Variants in SPATA17 observed in about 807,000 individuals in gnomAD.
SPATA17 encodes spermatogenesis-associated protein 17.
SPATA17 carries 53 observed loss-of-function variants against 62.2 expected under a neutral mutation model. The observed-to-expected ratio is 0.85, with a 90% CI of 0.68 to 1.07. The LOEUF (loss-of-function observed/expected upper bound fraction) is 1.07, where lower values mean the gene tolerates loss of function less well. SPATA17 is among the 50% of genes least tolerant of loss of function. The pLI is 0.00. For synonymous variants in SPATA17, 146 were observed against 146.8 expected (o/e 0.99, Z 0.04); for missense variants, 466 against 425.5 (o/e 1.10, Z -0.84).
At chr1:217,779,576 TACTTCC>T (rs1174557963) in intron 7 of SPATA17, among the ~76,000 whole-genome samples, 1 of 151,992 alleles carries the variant, frequency 6.6e-6, no homozygotes, top group Non-Finnish European at 1.5e-5. Flanking sequence ...CTCCTCTCTT[TACTTCC>T]TTTGCCTCTT....
intron 9 of SPATA17, among the ~76,000 whole-genome samples, chr1:217,823,584 C>T (rs1477137825): frequency 2.0e-5 from 3 of 151,934 alleles, no homozygotes; most frequent in South Asian, 2.1e-4. Flanking sequence ...TCAATTCTTT[C>T]TTCCAAGGAA....
chr1:217,666,422 A>G (rs1487697411), intron 3 of SPATA17, among the ~76,000 whole-genome samples: 1 of 152,164 alleles, frequency 6.6e-6, no homozygotes, highest in Non-Finnish European at 1.5e-5. Context: ...ACAAATAATC[A>G]TCATTTTCAG....
chr1:217,784,187 T>C (rs972856860), intron 8 of SPATA17, among the ~76,000 whole-genome samples: 3 of 152,120 alleles, frequency 2.0e-5, no homozygotes, highest in Non-Finnish European at 4.4e-5. Flanking sequence ...GAAATATAGG[T>C]TTTATATCAT....
intron 4 of SPATA17, among the ~76,000 whole-genome samples, chr1:217,679,598 C>A (rs767071581): frequency 6.6e-6 from 1 of 152,112 alleles, no homozygotes; most frequent in Non-Finnish European, 1.5e-5. Flanking sequence ...TTACCTTAAC[C>A]ATCGCTTACT....
chr1:217,747,991 A>G (rs927819242), intron 6 of SPATA17, among the ~76,000 whole-genome samples: 2 of 152,158 alleles, frequency 1.3e-5, no homozygotes, highest in Non-Finnish European at 2.9e-5. Context: ...TTGTATAGAG[A>G]AAGACTGTCT....
Position 217,689,983 on chromosome 1 carries a change from A to AAC in SPATA17, c.395+6623_395+6624insCA, listed in dbSNP as rs1487714273. ...CAATGGCACAATCTCCGCTCACTGCAATCTCCGCCTCCCAGGTTCAAGCGA... is the reference window on the plus strand; with the variant it reads ...CAATGGCACAATCTCCGCTCACTGCAACATCTCCGCCTCCCAGGTTCAAGCGA... On this transcript the variant is annotated intron_variant, in intron 5 of 10. Transcript: ENST00000366933. Among the ~76,000 whole-genome samples the AAC allele has an allele frequency of 8.1e-4, 123 of 151,568 alleles. 1 individual carries two copies. Among genetic ancestry groups the AAC allele is most frequent in the African/African-American group, 2.7e-3 (111 of 41,326 alleles).
chr1:217,651,227 G>A, intron 3 of SPATA17, 49 bp downstream of exon 3: 3 of 1,371,534 alleles, frequency 2.2e-6, no homozygotes, highest in African/African-American at 1.5e-5. Context: ...ACAATATGCT[G>A]TAACTTACTC....
chr1:217,666,918 A>G (rs919123474), intron 3 of SPATA17, among the ~76,000 whole-genome samples: 3 of 152,184 alleles, frequency 2.0e-5, no homozygotes, highest in Admixed American at 2.0e-4. Context: ...ATATGTGAGA[A>G]TCAAAGTGCT....
At chr1:217,719,256 C>T (rs1381943623) in intron 5 of SPATA17, among the ~76,000 whole-genome samples, 2 of 152,174 alleles carry the variant, frequency 1.3e-5, no homozygotes, top group Admixed American at 6.5e-5. Context: ...TCACTATACC[C>T]GTGTAGCAGG....
At chr1:217,723,226 G>T (rs1207444133) in intron 5 of SPATA17, among the ~76,000 whole-genome samples, 1 of 152,052 alleles carries the variant, frequency 6.6e-6, no homozygotes, top group Non-Finnish European at 1.5e-5. Context: ...CTTATGAAAG[G>T]GTCTACAGTG....
At chr1:217,728,196 A>G (rs1365503815) in intron 5 of SPATA17, among the ~76,000 whole-genome samples, 2 of 152,190 alleles carry the variant, frequency 1.3e-5, no homozygotes, top group African/African-American at 4.8e-5. Flanking sequence ...GAAATAAAAT[A>G]TATTCTGATA....
chr1:217,708,552 C>G (rs761348724), intron 5 of SPATA17, among the ~76,000 whole-genome samples: 3 of 151,938 alleles, frequency 2.0e-5, no homozygotes, highest in Non-Finnish European at 4.4e-5. Context: ...AAAGTTGAAT[C>G]AATAATAAGA....
At position 217,675,502 on chromosome 1, in the gene SPATA17, G is replaced by A. The variant is rs113733895; in HGVS notation, c.291+6419G>A. Among the ~76,000 whole-genome samples, 282 of 152,222 alleles carry A rather than the reference G, an allele frequency of 1.9e-3. 1 individual carries two copies. Among genetic ancestry groups the A allele is most frequent in the Non-Finnish European group, 3.3e-3 (224 of 68,014 alleles). ...GTAGTATCCTACGAAGAGTTCAATT[G>A]TAGGTAAATTATTGTGGCTGCTAAT... On this transcript the variant is annotated intron_variant, in intron 4 of 10. Coordinates refer to ENST00000366933, the MANE Select transcript of SPATA17 (RefSeq NM_138796.4).
At chr1:217,863,943 G>C (rs1476012962) in intron 10 of SPATA17, among the ~76,000 whole-genome samples, 1 of 152,156 alleles carries the variant, frequency 6.6e-6, no homozygotes, top group Non-Finnish European at 1.5e-5. Flanking sequence ...GCACAGGGTA[G>C]ATTCCAGGCA....
At chr1:217,702,073 GACT>G (rs983898017) in intron 5 of SPATA17, among the ~76,000 whole-genome samples, 12 of 150,440 alleles carry the variant, frequency 8.0e-5, no homozygotes, top group South Asian at 2.1e-4. Context: ...TTTCTATTTT[GACT>G]ACTATTTATA....
intron 9 of SPATA17, among the ~76,000 whole-genome samples, chr1:217,852,111 G>T (rs1486593517): frequency 6.6e-6 from 1 of 152,096 alleles, no homozygotes; most frequent in Non-Finnish European, 1.5e-5. Context: ...CTTGGAGAAC[G>T]ATCACTTTTC....
At chr1:217,852,839 A>G (rs1675696190) in intron 9 of SPATA17, among the ~76,000 whole-genome samples, 1 of 152,136 alleles carries the variant, frequency 6.6e-6, no homozygotes, top group Non-Finnish European at 1.5e-5. Context: ...TTTGTCCTCA[A>G]ATGATACCTC....
chr1:217,755,265 CTCTA>C (rs945273771), intron 6 of SPATA17, among the ~76,000 whole-genome samples: 41 of 152,136 alleles, frequency 2.7e-4, no homozygotes, highest in African/African-American at 9.1e-4. Context: ...CAATTGCTGT[CTCTA>C]TCTACTGTAT....
chr1:217,699,488 G>T (rs184935804), intron 5 of SPATA17, among the ~76,000 whole-genome samples: 3 of 152,004 alleles, frequency 2.0e-5, no homozygotes, highest in African/African-American at 7.2e-5. Flanking sequence ...GTGTTTATTT[G>T]CCATTTGCAT....
Sources: allele counts gnomAD v4.1 joint callset (sites outside exome capture counted in the v4.1 genomes callset), GRCh38; gene constraint gnomAD v4.1.1; transcripts MANE v1.5; gene names NCBI Gene and HGNC (gene_info 2026-07-23, HGNC 2026-07-21).